The following REV3L variants were observed in gnomAD, a reference collection of about 807,000 sequenced individuals.
The protein encoded by REV3L is REV3 like, DNA directed polymerase zeta catalytic subunit, also known as DNA polymerase zeta catalytic subunit.
Under a neutral mutation model 299.4 loss-of-function variants are expected in REV3L, and 69 were observed. The ratio of observed to expected loss-of-function variants is 0.23; its 90% CI spans 0.19 to 0.28. The LOEUF (loss-of-function observed/expected upper bound fraction) is 0.28, where lower values mean the gene tolerates loss of function less well. Among genes scored for constraint, REV3L ranks in the 10% least tolerant of loss-of-function variants. REV3L has a pLI of 1.00. For missense variants in REV3L, 3,128 were observed against 3,693.8 expected (o/e 0.85, Z 3.97); for synonymous variants, 1,238 against 1,271.4 (o/e 0.97, Z 0.56).
In REV3L at chr6:111,323,138, G is replaced by A. The variant is rs531448843; in HGVS notation, c.8242-460C>T. Among the ~76,000 whole-genome samples, 14 of 152,100 alleles carry A rather than the reference G, an allele frequency of 9.2e-5. No homozygotes were observed. The South Asian group carries it at 1.0e-3, about 11-fold the overall frequency. ...TGAGTAGCTGGGACTATAGGCGCAC[G>A]CCACCACACCCAGAGAATTTTTGTA... On this transcript the variant is annotated intron_variant, in intron 25 of 31. Coordinates refer to ENST00000368802, the MANE Select transcript of REV3L (RefSeq NM_001372078.1).
rs761465958 is a variant in REV3L at position 111,381,385 on chromosome 6, T to C, written c.1156A>G (p.Met386Val). The C allele has an allele frequency of 6.2e-7, 1 of 1,613,696 alleles. No homozygotes were observed. The highest frequency in any genetic ancestry group is 8.5e-7 in the Non-Finnish European group (1 of 1,179,822). Residue 386 changes from methionine to valine, a missense_variant, in exon 10 of 32, where the codon ATG (methionine) becomes GTG (valine). Around this residue, in one of 9 missense-constraint regions of REV3L, gnomAD observed 2,409 missense variants for 2,611.8 expected, o/e 0.92. Transcript: ENST00000368802. ...GGCTGAAAAGTCTGACTATTTTCCA[T>C]AAGGTTCAAAATTGCTTCTTCATTA... ...LINEEAILNL[M>V]ENSQTFQPLT...
At chr6:111,408,840 A>G (rs1263654525) in intron 3 of REV3L, among the ~76,000 whole-genome samples, 2 of 152,056 alleles carry the variant, frequency 1.3e-5, no homozygotes, top group African/African-American at 4.8e-5. Flanking sequence ...GCTTGCCACA[A>G]GCCCAACTAA....
At chr6:111,455,057 C>T (rs536194761) in intron 1 of REV3L, among the ~76,000 whole-genome samples, 2 of 152,248 alleles carry the variant, frequency 1.3e-5, no homozygotes, top group South Asian at 2.1e-4. Context: ...GAAACGCACA[C>T]TCTAAGAGGC....
chr6:111,310,575 G>A (rs1027914466), intron 29 of REV3L: 15 of 155,490 alleles, frequency 9.6e-5, no homozygotes, highest in Admixed American at 5.2e-4. Flanking sequence ...AGCCTGGGAG[G>A]TCAAGGCTGC....
intron 1 of REV3L, among the ~76,000 whole-genome samples, chr6:111,440,573 T>C (rs986283408): frequency 2.0e-5 from 3 of 152,174 alleles, no homozygotes; most frequent in African/African-American, 7.2e-5. Flanking sequence ...ATTTCACTTA[T>C]CCCTAAGCTA....
At chr6:111,381,710 C>T (rs967036224) in intron 9 of REV3L, among the ~76,000 whole-genome samples, 7 of 152,028 alleles carry the variant, frequency 4.6e-5, no homozygotes, top group African/African-American at 1.4e-4. Flanking sequence ...AGTTATATTA[C>T]TCTGATAAAA....
At chr6:111,321,345 G>A (rs1056505109) in intron 26 of REV3L, among the ~76,000 whole-genome samples, 1 of 152,030 alleles carries the variant, frequency 6.6e-6, no homozygotes, top group Non-Finnish European at 1.5e-5. Flanking sequence ...CTGACTTCTG[G>A]GTGTTGTCAA....
At chr6:111,307,925 T>A (rs889107741) in intron 30 of REV3L, 1 of 284,068 alleles carries the variant, frequency 3.5e-6, no homozygotes, top group African/African-American at 2.3e-5. Flanking sequence ...CCTAATGCTA[T>A]CCCTCCCCCA....
chr6:111,323,871 T>G (rs1774459380), intron 25 of REV3L, among the ~76,000 whole-genome samples: 1 of 152,120 alleles, frequency 6.6e-6, no homozygotes, highest in South Asian at 2.1e-4. Context: ...TTACTAAATA[T>G]AGGATTGAAT....
chr6:111,303,546 T>C (rs541567151), intron 31 of REV3L, among the ~76,000 whole-genome samples: 1 of 151,298 alleles, frequency 6.6e-6, no homozygotes, highest in South Asian at 2.1e-4. Context: ...TTTGTATTTT[T>C]AGTAGAGATG....
intron 1 of REV3L, among the ~76,000 whole-genome samples, chr6:111,453,130 T>G (rs978930832): frequency 2.6e-5 from 4 of 152,130 alleles, no homozygotes; most frequent in Admixed American, 1.3e-4. Flanking sequence ...TAGAGTAGAT[T>G]CTAAGGGTTA....
chr6:111,412,535 G>T (rs576792772), intron 2 of REV3L, among the ~76,000 whole-genome samples: 14 of 152,026 alleles, frequency 9.2e-5, no homozygotes, highest in African/African-American at 3.4e-4. Context: ...GTTAATACAC[G>T]GTTAAATCTT....
At chr6:111,422,325 A>T (rs1785447661) in intron 1 of REV3L, among the ~76,000 whole-genome samples, 1 of 152,010 alleles carries the variant, frequency 6.6e-6, no homozygotes, top group African/African-American at 2.4e-5. Context: ...CTTATGCTAT[A>T]GACAGAGTTG....
intron 4 of REV3L, among the ~76,000 whole-genome samples, chr6:111,394,591 T>C (rs1051301849): frequency 6.6e-6 from 1 of 152,216 alleles, no homozygotes; most frequent in Non-Finnish European, 1.5e-5. Context: ...TTTCCTTTGC[T>C]GTGCAGAAGC....
chr6:111,378,178 T>C (rs1253468920), intron 11 of REV3L, among the ~76,000 whole-genome samples: 3 of 152,116 alleles, frequency 2.0e-5, no homozygotes, highest in Non-Finnish European at 2.9e-5. Context: ...TGAAGGGGCA[T>C]TGAGGTCAGG....
chr6:111,366,650 G>A (rs1779245337), intron 14 of REV3L, among the ~76,000 whole-genome samples: 1 of 152,142 alleles, frequency 6.6e-6, no homozygotes, highest in Admixed American at 6.6e-5. Flanking sequence ...CTATAATGTA[G>A]AATGACAGGG....
intron 30 of REV3L, chr6:111,309,148 G>A (rs994694972): frequency 4.6e-5 from 7 of 152,274 alleles, no homozygotes; most frequent in African/African-American, 9.7e-5. Context: ...GTCTATAGGC[G>A]GCTTGTGTTA....
Position 111,429,788 on chromosome 6 carries a change from C to CG in REV3L, c.140-13317dup, listed in dbSNP as rs1226191526. ...AGCGCCGCACTGCCTGGGCCTGGCG[C>CG]GGGGGGTGAGCACAGGGGCCCGGTC... On this transcript the variant is annotated intron_variant, in intron 1 of 31. Coordinates refer to ENST00000368802, the MANE Select transcript of REV3L (RefSeq NM_001372078.1). Among the ~76,000 whole-genome samples, 14 of 152,058 alleles carry CG rather than the reference C, an allele frequency of 9.2e-5. No homozygotes were observed. In the East Asian group the frequency reaches 2.7e-3, roughly 29 times the overall value.
At chr6:111,403,182 G>A (rs1257037205) in intron 4 of REV3L, among the ~76,000 whole-genome samples, 1 of 152,136 alleles carries the variant, frequency 6.6e-6, no homozygotes, top group East Asian at 1.9e-4. Context: ...TGCAGTATGG[G>A]CAAATATACA....
Sources: allele counts gnomAD v4.1 joint callset (sites outside exome capture counted in the v4.1 genomes callset), GRCh38; gene constraint gnomAD v4.1.1; regional missense constraint gnomAD v4.1.1; transcripts MANE v1.5; gene names NCBI Gene and HGNC (gene_info 2026-07-23, HGNC 2026-07-21).